Variants in KLHL7 observed in about 807,000 individuals in gnomAD.
The protein encoded by KLHL7 is kelch-like protein 7.
A neutral mutation model predicts 67.4 loss-of-function variants in KLHL7; 44 were observed. The observed-to-expected ratio is 0.65, with a 90% CI of 0.51 to 0.84. KLHL7 has a LOEUF of 0.84. Among genes scored for constraint, KLHL7 ranks in the 40% least tolerant of loss-of-function variants. The pLI, the probability that KLHL7 is intolerant of heterozygous loss-of-function variation, is 0.00. For synonymous variants in KLHL7, 252 were observed against 243.3 expected, an observed-to-expected ratio of 1.04 and a Z score of -0.33; for missense variants, 362 against 718.1, an observed-to-expected ratio of 0.50 and a Z score of 5.67.
rs1188302436 is a variant in KLHL7 at position 23,106,067 on chromosome 7, C to A, written c.41C>A (p.Thr14Asn). Residue 14 changes from threonine to asparagine, a missense_variant, in exon 1 of 11, where the codon ACC becomes AAC. Physicochemically the swap from Thr to Asn is moderately conservative, Grantham distance 65. Around this residue, in one of 5 missense-constraint regions of KLHL7, gnomAD observed 57 missense variants for 81.7 expected, o/e 0.70. Coordinates refer to ENST00000339077, the MANE Select transcript of KLHL7 (RefSeq NM_001031710.3). ...SGVEKSSKKK[T>N]EKKLAAREEA... ...GTGGAGAAGAGCAGCAAGAAGAAGA[C>A]CGAGAAGAAACTTGCTGCTCGGGAA... 6.2e-7 allele frequency: 1 copy of A among 1,609,826 alleles called. No homozygotes were observed. Among genetic ancestry groups the A allele is most frequent in the East Asian group, 2.2e-5 (1 of 44,744 alleles).
At chr7:23,150,517 G>A (rs564093103) in intron 6 of KLHL7, among the ~76,000 whole-genome samples, 46 of 151,958 alleles carry the variant, frequency 3.0e-4, no homozygotes, top group South Asian at 1.7e-3. Flanking sequence ...CATTCCATGC[G>A]TACATACTAA....
intron 7 of KLHL7, among the ~76,000 whole-genome samples, chr7:23,160,711 A>AT (rs1784832320): frequency 6.6e-6 from 1 of 152,150 alleles, no homozygotes; most frequent in Non-Finnish European, 1.5e-5. Context: ...TTACAAGGAT[A>AT]TTTTTCCTAA....
At position 23,140,991 on chromosome 7, in the gene KLHL7, T is replaced by C. The variant is rs1244507183; in HGVS notation, c.618+47T>C. On this transcript the variant is annotated intron_variant, in intron 5 of 10. Coordinates refer to ENST00000339077, the MANE Select transcript of KLHL7 (RefSeq NM_001031710.3). Reference sequence around the variant, plus strand: ...ATTTTTCTTAATAAAAATGTCTTTATTGGTTTCTTAAAACTCATGTTTGGA... The same window carrying C: ...ATTTTTCTTAATAAAAATGTCTTTACTGGTTTCTTAAAACTCATGTTTGGA... The C allele has an allele frequency of 5.9e-6, 9 of 1,517,488 alleles. 1 individual carries two copies. In the South Asian group the frequency reaches 9.0e-5, roughly 15 times the overall value. The allele number at this position is 1,517,488 out of a possible 1,614,324, so 94.0% of individuals were successfully genotyped here.
At chr7:23,173,318 C>G (rs1430942989) in intron 10 of KLHL7, among the ~76,000 whole-genome samples, 1 of 152,134 alleles carries the variant, frequency 6.6e-6, no homozygotes, top group African/African-American at 2.4e-5. Context: ...TGATGTCGCA[C>G]CAGCTTAAGA....
intron 10 of KLHL7, 144 bp downstream of exon 10, chr7:23,173,189 A>G: frequency 1.6e-6 from 1 of 638,798 alleles, no homozygotes; most frequent in South Asian, 1.9e-5. Flanking sequence ...GGGAATTAAC[A>G]TACTTGATAA....
At chr7:23,168,119 C>A in intron 9 of KLHL7, 82 bp downstream of exon 9, 1 of 1,344,294 alleles carries the variant, frequency 7.4e-7, no homozygotes. Context: ...CAGAGGAACC[C>A]AACAGAAGAA....
chr7:23,134,493 CT>C (rs1437690245), intron 4 of KLHL7, among the ~76,000 whole-genome samples: 1 of 152,084 alleles, frequency 6.6e-6, no homozygotes, highest in Non-Finnish European at 1.5e-5. Flanking sequence ...GTATTCCCCC[CT>C]CTTCTGTTTT....
rs930754867 is a variant in KLHL7, at chr7:23,118,398, C to T, written c.121-5379C>T. Among the ~76,000 whole-genome samples the T allele has an allele frequency of 1.8e-4, 27 of 152,232 alleles. 1 individual carries two copies. The highest frequency in any genetic ancestry group is 1.0e-3 in the Admixed American group (16 of 15,282). ...TCTATTCTTTCTTCCCTAAACTAAA[C>T]TTACCCACCCAGTCTGAGGCAGAGC... On this transcript the variant is annotated intron_variant, in intron 1 of 10. Transcript: ENST00000339077.
intron 10 of KLHL7, among the ~76,000 whole-genome samples, chr7:23,173,378 T>C (rs1182890139): frequency 6.6e-6 from 1 of 152,220 alleles, no homozygotes; most frequent in African/African-American, 2.4e-5. Flanking sequence ...TTAAAAACTT[T>C]TTAAATACAA....
chr7:23,162,557 C>T (rs1784881017), intron 7 of KLHL7, among the ~76,000 whole-genome samples: 1 of 152,166 alleles, frequency 6.6e-6, no homozygotes, highest in Non-Finnish European at 1.5e-5. Context: ...TAATTGAGAT[C>T]CATAGCTCCT....
intron 4 of KLHL7, among the ~76,000 whole-genome samples, chr7:23,128,735 G>A (rs1783680890): frequency 6.6e-6 from 1 of 151,924 alleles, no homozygotes; most frequent in Non-Finnish European, 1.5e-5. Flanking sequence ...ACACCCACTA[G>A]CAGTCACTCC....
At chr7:23,143,524 G>T (rs556055519) in intron 5 of KLHL7, among the ~76,000 whole-genome samples, 1 of 152,112 alleles carries the variant, frequency 6.6e-6, no homozygotes, top group Admixed American at 6.5e-5. Flanking sequence ...TGAAACTTTT[G>T]TTGACTGATA....
chr7:23,162,066 A>G (rs1395365751), intron 7 of KLHL7, among the ~76,000 whole-genome samples: 1 of 152,212 alleles, frequency 6.6e-6, no homozygotes, highest in African/African-American at 2.4e-5. Flanking sequence ...TCAAGTGCCC[A>G]GAATCACTTT....
Position 23,175,329 on chromosome 7 carries a change from C to G in KLHL7, c.*1031C>G, listed in dbSNP as rs1309999807. ...ACTACTCATTTCCTTCCTAGTAATA[C>G]TTTGCCTTTTTCACTGTGTATGGAA... On this transcript the variant is annotated 3_prime_UTR_variant, in exon 11 of 11. Transcript: ENST00000339077. 1 of 454,008 alleles carries G rather than the reference C, an allele frequency of 2.2e-6. No homozygotes were observed. Among genetic ancestry groups the G allele is most frequent in the South Asian group, 1.6e-5 (1 of 64,452 alleles). The allele number at this position is 454,008 out of a possible 1,614,324, so 28.1% of individuals were successfully genotyped here.
In KLHL7 at chr7:23,177,620, C is replaced by G. The variant is rs1785317579; in HGVS notation, c.*3322C>G. The G allele has an allele frequency of 6.6e-6, 1 of 152,058 alleles. No homozygotes were observed. Among genetic ancestry groups the G allele is most frequent in the Non-Finnish European group, 1.5e-5 (1 of 68,014 alleles). The allele number at this position is 152,058 out of a possible 1,614,324, so 9.4% of individuals were successfully genotyped here. ...CCTGTCCTGTAAAGTGCTCTGCTTG[C>G]TTTTTAGTAGACATTTGATAAGTTA... is the stretch of plus-strand genomic sequence containing the variant. On this transcript the variant is annotated 3_prime_UTR_variant, in exon 11 of 11. Coordinates refer to ENST00000339077, the MANE Select transcript of KLHL7 (RefSeq NM_001031710.3).
intron 6 of KLHL7, among the ~76,000 whole-genome samples, chr7:23,148,162 AAT>A (rs1784417565): frequency 6.6e-6 from 1 of 152,232 alleles, no homozygotes; most frequent in African/African-American, 2.4e-5. Flanking sequence ...ATTGGAAAGA[AAT>A]ATATCCATAC....
chr7:23,110,507 C>T (rs1782821057), intron 1 of KLHL7, among the ~76,000 whole-genome samples: 1 of 152,154 alleles, frequency 6.6e-6, no homozygotes, highest in African/African-American at 2.4e-5. Context: ...TTGAACCAAA[C>T]AACCAGCAAA....
rs1189911968 is a variant in KLHL7 at position 23,140,956 on chromosome 7, G to A, written c.618+12G>A. The stretch of plus-strand genomic sequence containing the variant: ...GAGCAGAGGATCAGGTGACTAAATT[G>A]CCTTCTCACATTTTTCTTAATAAAA... On this transcript the variant is annotated intron_variant, in intron 5 of 10. Coordinates refer to ENST00000339077, the MANE Select transcript of KLHL7 (RefSeq NM_001031710.3). The A allele has an allele frequency of 1.9e-6, 3 of 1,610,638 alleles. No homozygotes were observed. The African/African-American group carries it at 4.0e-5, about 22-fold the overall frequency.
chr7:23,128,054 G>T (rs1362345769), intron 4 of KLHL7, among the ~76,000 whole-genome samples: 1 of 151,792 alleles, frequency 6.6e-6, no homozygotes, highest in Non-Finnish European at 1.5e-5. Flanking sequence ...CGCTTGAACC[G>T]GGAGGCGGAG....
Sources: gnomAD v4.1 joint callset for allele counts (sites outside exome capture counted in the v4.1 genomes callset) on GRCh38, gnomAD v4.1.1 for gene constraint, gnomAD v4.1.1 regional missense constraint, MANE v1.5 for transcripts, NCBI Gene and HGNC (gene_info 2026-07-23, HGNC 2026-07-21) for gene names.